Variants in OPHN1 observed in about 807,000 individuals in gnomAD.
The protein encoded by OPHN1 is oligophrenin-1.
OPHN1 carries 11 observed loss-of-function variants against 60.7 expected under a neutral mutation model. The ratio of observed to expected loss-of-function variants is 0.18; its 90% CI spans 0.11 to 0.30. The LOEUF is 0.30. Ranked by LOEUF, OPHN1 falls within the 10% of genes least tolerant of loss-of-function variation. The probability of loss-of-function intolerance (pLI) is 1.00; values close to 1 mark genes in which losing one functional copy is unlikely to be tolerated. For synonymous variants in OPHN1, 226 were observed against 222.6 expected (o/e 1.02, Z -0.14); for missense variants, 449 against 611.0 (o/e 0.73, Z 2.80).
At chrX:68,125,296 G>C (rs990175616) in intron 15 of OPHN1, among the ~76,000 whole-genome samples, 1 of 111,239 alleles carries the variant, frequency 9.0e-6, no homozygotes, top group Middle Eastern at 4.3e-3. Context: ...AAAAGCAAGA[G>C]CAAACCAAAT....
chrX:68,306,987 G>C (rs979157664), intron 2 of OPHN1, among the ~76,000 whole-genome samples: 1 of 111,632 alleles, frequency 9.0e-6, no homozygotes, highest in South Asian at 3.7e-4. Context: ...GCCACCCAAA[G>C]TGATGGGATT....
chrX:68,277,533 T>C (rs2077997463), intron 4 of OPHN1, among the ~76,000 whole-genome samples: 1 of 112,409 alleles, frequency 8.9e-6, no homozygotes. Context: ...CTCACACCTG[T>C]AATCCTAGCA....
At chrX:68,168,714 A>C (rs2077372773) in intron 15 of OPHN1, among the ~76,000 whole-genome samples, 2 of 112,586 alleles carry the variant, frequency 1.8e-5, no homozygotes, top group African/African-American at 6.5e-5. Flanking sequence ...CGAATCCAGG[A>C]GCTGGTTTTT....
intron 15 of OPHN1, among the ~76,000 whole-genome samples, chrX:68,145,503 C>T (rs765502138): frequency 8.1e-5 from 9 of 111,597 alleles, no homozygotes; most frequent in African/African-American, 2.6e-4. Flanking sequence ...GTTTTTTATT[C>T]GTAAAGTATT....
intron 2 of OPHN1, among the ~76,000 whole-genome samples, chrX:68,307,366 A>C (rs2078150661): frequency 9.2e-6 from 1 of 108,397 alleles, no homozygotes; most frequent in African/African-American, 3.4e-5. Flanking sequence ...AGGCAGGAGA[A>C]TTGCTTGAGC....
intron 2 of OPHN1, among the ~76,000 whole-genome samples, chrX:68,414,246 T>C (rs2078783217): frequency 9.0e-6 from 1 of 111,230 alleles, no homozygotes; most frequent in Admixed American, 9.7e-5. Flanking sequence ...AAATGGTTAT[T>C]ACTGAAAAGG....
chrX:68,418,992 A>T (rs946892511), intron 2 of OPHN1, among the ~76,000 whole-genome samples: 6 of 110,597 alleles, frequency 5.4e-5, no homozygotes, highest in Non-Finnish European at 7.6e-5. Context: ...CTTTTTTTTT[A>T]AATTTTTTGT....
intron 2 of OPHN1, among the ~76,000 whole-genome samples, chrX:68,402,442 TTTCCATTCTTGCCAACTGGTAGGCTACA>T (rs2078720623): frequency 9.1e-6 from 1 of 110,291 alleles, no homozygotes; most frequent in Admixed American, 9.7e-5. Context: ...GTCTTTGAGG[TTTCCATTCTTGCCAACTGGTAGGCTACA>T]AATACCATGA....
intron 2 of OPHN1, among the ~76,000 whole-genome samples, chrX:68,382,073 T>G (rs1056626933): frequency 5.4e-5 from 6 of 111,761 alleles, no homozygotes; most frequent in African/African-American, 1.9e-4. Flanking sequence ...CCAGGCCAGG[T>G]GCAATGGCTC....
chrX:68,125,954 T>TATATATATATATAC lies in OPHN1; in HGVS notation c.1277-6623_1277-6622insGTATATATATATAT, dbSNP rs1262640434. ...CAATATATATATATATATATATATA[T>TATATATATATATAC]ATACATACACACACACACACACACA... is the stretch of plus-strand genomic sequence containing the variant. On this transcript the variant is annotated intron_variant, in intron 15 of 24. Transcript: ENST00000355520. Among the ~76,000 whole-genome samples, 127 of 55,636 alleles carry TATATATATATATAC rather than the reference T, an allele frequency of 2.3e-3. 8 individuals carry two copies. Among genetic ancestry groups the TATATATATATATAC allele is most frequent in the Middle Eastern group, 0.015 (1 of 68 alleles). 48.3% of individuals were successfully genotyped at this position (55,636 alleles called of 115,157 possible).
In OPHN1 at chrX:68,383,993, G is replaced by A. The variant is rs1440493942; in HGVS notation, c.154+48874C>T. On this transcript the variant is annotated intron_variant, in intron 2 of 24. Transcript: ENST00000355520. ...CTGACCTGGGCTAAATAAACGGAAA[G>A]TGGGGAGAAACGTATATGGGGGAGG... Among the ~76,000 whole-genome samples the A allele has an allele frequency of 5.4e-5, 6 of 111,586 alleles. No individual in the cohort carries two copies. The East Asian group carries it at 1.7e-3, about 31-fold the overall frequency.
chrX:68,283,804 C>A (rs185235398), intron 3 of OPHN1, among the ~76,000 whole-genome samples: 1 of 112,262 alleles, frequency 8.9e-6, no homozygotes, highest in Non-Finnish European at 1.9e-5. Context: ...TTTGTCTATA[C>A]TAATATTTTT....
At chrX:68,163,458 G>A (rs200618928) in intron 15 of OPHN1, among the ~76,000 whole-genome samples, 43 of 80,865 alleles carry the variant, frequency 5.3e-4, no homozygotes, top group Middle Eastern at 6.2e-3. Context: ...GTGTGTGTGT[G>A]TATATATACC....
At chrX:68,136,470 A>AT (rs1222806739) in intron 15 of OPHN1, among the ~76,000 whole-genome samples, 3 of 107,698 alleles carry the variant, frequency 2.8e-5, no homozygotes, top group Non-Finnish European at 5.8e-5. Flanking sequence ...CGCCTGGCTA[A>AT]TTTTTTGTAT....
At chrX:68,112,061 G>GCGCACACA in intron 17 of OPHN1, 102 bp from the exon 18 acceptor site, 2 of 393,817 alleles carry the variant, frequency 5.1e-6, no homozygotes, top group African/African-American at 5.9e-5. Flanking sequence ...ATGCACACAT[G>GCGCACACA]CACACACACA....
intron 2 of OPHN1, among the ~76,000 whole-genome samples, chrX:68,357,288 C>T (rs1440343089): frequency 9.0e-6 from 1 of 111,518 alleles, no homozygotes; most frequent in Non-Finnish European, 1.9e-5. Context: ...TTCTAGGGTA[C>T]ATGTGCACAA....
rs141497738 is a variant in OPHN1 at position 68,266,648 on chromosome X, G to A, written c.384+8090C>T. Among the ~76,000 whole-genome samples, 40 of 111,305 alleles carry A rather than the reference G, an allele frequency of 3.6e-4. No individual in the cohort carries two copies. The East Asian group carries it at 6.8e-3, about 19-fold the overall frequency. Reference sequence around the variant, plus strand: ...ACGAGCAAAATCACTAGCTAACATCGTAATGACAGGATCAAATTTACACGT... The same window carrying A: ...ACGAGCAAAATCACTAGCTAACATCATAATGACAGGATCAAATTTACACGT... On this transcript the variant is annotated intron_variant, in intron 5 of 24. Coordinates refer to ENST00000355520, the MANE Select transcript of OPHN1 (RefSeq NM_002547.3).
intron 21 of OPHN1, among the ~76,000 whole-genome samples, chrX:68,063,535 AG>A (rs2076901263): frequency 9.0e-6 from 1 of 111,378 alleles, no homozygotes; most frequent in Admixed American, 9.5e-5. Context: ...AAAAAAAAAA[AG>A]AAAATATTAA....
intron 15 of OPHN1, among the ~76,000 whole-genome samples, chrX:68,180,340 T>C (rs751391810): frequency 1.8e-5 from 2 of 112,087 alleles, no homozygotes; most frequent in African/African-American, 6.5e-5. Context: ...ATTTTAATGC[T>C]TAAAATTTTT....
Sources: allele counts gnomAD v4.1 joint callset (sites outside exome capture counted in the v4.1 genomes callset), GRCh38; gene constraint gnomAD v4.1.1; transcripts MANE v1.5; gene names NCBI Gene and HGNC (gene_info 2026-07-23, HGNC 2026-07-21).